FKBP5: variants seen among roughly 807,000 people sequenced by gnomAD.
FKBP5 encodes the protein peptidyl-prolyl cis-trans isomerase FKBP5.
In FKBP5, 23 loss-of-function variants were observed where a neutral mutation model predicts 50.5. The ratio of observed to expected loss-of-function variants is 0.46; its 90% CI spans 0.33 to 0.65. FKBP5 has a LOEUF of 0.65. Ranked by LOEUF, FKBP5 falls within the 30% of genes least tolerant of loss-of-function variation. FKBP5 has a pLI of 0.02. For missense variants in FKBP5, 411 were observed against 553.1 expected, an observed-to-expected ratio of 0.74 and a Z score of 2.58; for synonymous variants, 176 against 190.6, an observed-to-expected ratio of 0.92 and a Z score of 0.63.
intron 6 of FKBP5, among the ~76,000 whole-genome samples, chr6:35,593,125 A>C (rs1402247451): frequency 6.6e-6 from 1 of 152,218 alleles, no homozygotes; most frequent in Non-Finnish European, 1.5e-5. Context: ...ACCTACCCTG[A>C]CTTCCATATT....
intron 2 of FKBP5, among the ~76,000 whole-genome samples, chr6:35,706,453 G>T: frequency 1.4e-5 from 2 of 147,706 alleles, no homozygotes; most frequent in African/African-American, 2.5e-5. Context: ...GAAAAGAAAA[G>T]AAAAAGAAAA....
chr6:35,600,768 G>A (rs1329725259), intron 5 of FKBP5, among the ~76,000 whole-genome samples: 1 of 152,156 alleles, frequency 6.6e-6, no homozygotes, highest in Non-Finnish European at 1.5e-5. Flanking sequence ...AAGTTTGAAT[G>A]TTTTCAAAAC....
intron 5 of FKBP5, among the ~76,000 whole-genome samples, chr6:35,608,461 G>A (rs906328005): frequency 4.6e-5 from 7 of 152,180 alleles, no homozygotes; most frequent in Non-Finnish European, 8.8e-5. Context: ...TTGGGAGGCT[G>A]AAGCAGGCTG....
chr6:35,710,739 A>G (rs1561906055), intron 2 of FKBP5, among the ~76,000 whole-genome samples: 1 of 152,258 alleles, frequency 6.6e-6, no homozygotes, highest in Non-Finnish European at 1.5e-5. Flanking sequence ...ACAAACAACC[A>G]TAATGTCCAT....
intron 5 of FKBP5, among the ~76,000 whole-genome samples, chr6:35,598,445 A>C (rs1581799770): frequency 6.6e-6 from 1 of 150,502 alleles, no homozygotes; most frequent in Admixed American, 6.6e-5. Context: ...CTGGTCTCGA[A>C]CTCCTGACCT....
At chr6:35,600,075 A>AG in intron 5 of FKBP5, among the ~76,000 whole-genome samples, 1 of 152,326 alleles carries the variant, frequency 6.6e-6, no homozygotes, top group African/African-American at 2.4e-5. Context: ...TGAATATTGT[A>AG]GGCAACTGTA....
intron 5 of FKBP5, among the ~76,000 whole-genome samples, chr6:35,609,036 G>A (rs1278182425): frequency 6.6e-6 from 1 of 152,160 alleles, no homozygotes; most frequent in Non-Finnish European, 1.5e-5. Flanking sequence ...GGCCTCAAGT[G>A]ACGCCCTCCC....
At chr6:35,705,076 G>C (rs1024894882) in intron 2 of FKBP5, among the ~76,000 whole-genome samples, 3 of 150,956 alleles carry the variant, frequency 2.0e-5, no homozygotes, top group Middle Eastern at 3.4e-3. Flanking sequence ...GGGAGGTGGA[G>C]CTTGCAATGA....
chr6:35,584,131 G>T, intron 8 of FKBP5: 2 of 985,308 alleles, frequency 2.0e-6, no homozygotes, highest in Non-Finnish European at 2.4e-6. Context: ...CAGCTATGAG[G>T]GCAAAAATCG....
At chr6:35,580,329 T>A (rs900494683) in intron 8 of FKBP5, 108 bp from the exon 9 acceptor site, 10 of 849,592 alleles carry the variant, frequency 1.2e-5, no homozygotes, top group Non-Finnish European at 1.9e-5. Context: ...GTACAGCTGG[T>A]TTCTTTCTTT....
intron 5 of FKBP5, among the ~76,000 whole-genome samples, chr6:35,604,524 A>T (rs1222717140): frequency 6.6e-6 from 1 of 152,220 alleles, no homozygotes; most frequent in African/African-American, 2.4e-5. Flanking sequence ...ACATTCATAA[A>T]TACTTCAAAA....
At chr6:35,704,957 C>T (rs1483304582) in intron 2 of FKBP5, among the ~76,000 whole-genome samples, 4 of 151,094 alleles carry the variant, frequency 2.6e-5, no homozygotes, top group African/African-American at 7.3e-5. Context: ...CTGGGTAACA[C>T]GGTGAAACCC....
intron 2 of FKBP5, among the ~76,000 whole-genome samples, chr6:35,706,110 A>G (rs1766308044): frequency 6.9e-6 from 1 of 144,088 alleles, no homozygotes. Context: ...CTCTGTCTCA[A>G]ACAAACAAAT....
intron 5 of FKBP5, among the ~76,000 whole-genome samples, chr6:35,603,527 A>C (rs904960819): frequency 2.0e-5 from 3 of 152,156 alleles, no homozygotes; most frequent in African/African-American, 7.2e-5. Context: ...TCCTTTTTGA[A>C]TCTATTAGTA....
intron 2 of FKBP5, among the ~76,000 whole-genome samples, chr6:35,709,299 A>G (rs766295615): frequency 1.3e-5 from 2 of 152,242 alleles, no homozygotes; most frequent in Non-Finnish European, 2.9e-5. Context: ...ACCTGCCCCC[A>G]TGATTCAATT....
chr6:35,591,325 T>C, intron 6 of FKBP5, 105 bp from the exon 7 acceptor site: 2 of 710,738 alleles, frequency 2.8e-6, no homozygotes, highest in Non-Finnish European at 4.8e-6. Context: ...GCAAGCTACA[T>C]GTGTCAGAGA....
rs1427010607 is a variant in FKBP5 at position 35,589,128 on chromosome 6, A to ATATATAT, written c.756+2001_756+2002insATATATA. Among the ~76,000 whole-genome samples, 136 of 121,542 alleles carry ATATATAT rather than the reference A, an allele frequency of 1.1e-3. 1 individual carries two copies. Among genetic ancestry groups the ATATATAT allele is most frequent in the Middle Eastern group, 4.4e-3 (1 of 226 alleles). The allele number at this position is 121,542 out of a possible 152,430, so 79.7% of individuals were successfully genotyped here. A position where few individuals can be genotyped will look rare whatever the true frequency, so the allele number is the denominator to read the frequency against. On this transcript the variant is annotated intron_variant, in intron 7 of 10. Coordinates refer to ENST00000357266, the MANE Select transcript of FKBP5 (RefSeq NM_004117.4). ...TATATTTTTATATATATATATATAT[A>ATATATAT]TTTTTTTTTTTTTCCTCTGAGACGG...
intron 5 of FKBP5, among the ~76,000 whole-genome samples, chr6:35,612,212 G>A (rs1305588097): frequency 6.6e-6 from 1 of 152,032 alleles, no homozygotes; most frequent in Non-Finnish European, 1.5e-5. Context: ...CTAACATGAC[G>A]AAACCCCGTC....
At chr6:35,595,447 T>C (rs1381312483) in intron 6 of FKBP5, among the ~76,000 whole-genome samples, 1 of 152,214 alleles carries the variant, frequency 6.6e-6, no homozygotes. Context: ...GAAATGCTGA[T>C]TAAAAGTAAT....
Sources: gnomAD v4.1 joint callset for allele counts (sites outside exome capture counted in the v4.1 genomes callset) on GRCh38, gnomAD v4.1.1 for gene constraint, MANE v1.5 for transcripts, NCBI Gene and HGNC (gene_info 2026-07-23, HGNC 2026-07-21) for gene names.